PRKCE: variants seen among roughly 807,000 people sequenced by gnomAD.
The protein encoded by PRKCE is protein kinase C epsilon type.
A neutral mutation model predicts 85.4 loss-of-function variants in PRKCE; 16 were observed. The ratio of observed to expected loss-of-function variants is 0.19; its 90% CI spans 0.13 to 0.28. The LOEUF (loss-of-function observed/expected upper bound fraction) is 0.28, where lower values mean the gene tolerates loss of function less well. PRKCE is among the 10% of genes least tolerant of loss of function. The pLI is 1.00. For synonymous variants in PRKCE, 388 were observed against 371.5 expected (o/e 1.04, Z -0.51); for missense variants, 573 against 975.2 (o/e 0.59, Z 5.49).
intron 2 of PRKCE, among the ~76,000 whole-genome samples, chr2:45,893,748 C>T (rs996492787): frequency 2.6e-5 from 4 of 152,086 alleles, no homozygotes. Flanking sequence ...CTCATTGATC[C>T]CCCTGCAAAT....
At chr2:45,884,777 A>G (rs1454663166) in intron 2 of PRKCE, among the ~76,000 whole-genome samples, 1 of 151,656 alleles carries the variant, frequency 6.6e-6, no homozygotes, top group Non-Finnish European at 1.5e-5. Context: ...AAAAACTTCA[A>G]CCAGCACAGA....
At chr2:46,179,781 G>A (rs761796618) in intron 14 of PRKCE, among the ~76,000 whole-genome samples, 3 of 152,020 alleles carry the variant, frequency 2.0e-5, no homozygotes, top group Non-Finnish European at 2.9e-5. Context: ...AGACCCCATG[G>A]GCCTAGTGAT....
At chr2:45,976,331 C>G (rs1201526511) in intron 2 of PRKCE, 98 bp from the exon 3 acceptor site, 1 of 1,411,718 alleles carries the variant, frequency 7.1e-7, no homozygotes. Context: ...CACCCCAGCT[C>G]CACTCCCCCA....
chr2:46,048,944 G>A (rs575562469), intron 10 of PRKCE, among the ~76,000 whole-genome samples: 25 of 152,234 alleles, frequency 1.6e-4, no homozygotes, highest in African/African-American at 5.8e-4. Context: ...TAGTTGGCCT[G>A]GAGTGTAGAG....
At chr2:45,865,466 A>G (rs1693516231) in intron 2 of PRKCE, among the ~76,000 whole-genome samples, 1 of 152,204 alleles carries the variant, frequency 6.6e-6, no homozygotes, top group Admixed American at 6.5e-5. Flanking sequence ...TCTGTCCTCT[A>G]AATAAATGGA....
chr2:45,707,366 T>A (rs1045046175), intron 1 of PRKCE, among the ~76,000 whole-genome samples: 1 of 152,100 alleles, frequency 6.6e-6, no homozygotes, highest in Non-Finnish European at 1.5e-5. Context: ...GCAGGAAGGG[T>A]GAGTGGATAA....
At chr2:45,749,089 C>T (rs968701782) in intron 1 of PRKCE, among the ~76,000 whole-genome samples, 2 of 152,026 alleles carry the variant, frequency 1.3e-5, no homozygotes, top group Admixed American at 1.3e-4. Flanking sequence ...GGGGTTTCAC[C>T]ATATTGACCA....
chr2:45,935,973 G>T (rs1472861481), intron 2 of PRKCE, among the ~76,000 whole-genome samples: 1 of 152,174 alleles, frequency 6.6e-6, no homozygotes, highest in Non-Finnish European at 1.5e-5. Context: ...GCTGGGGTTT[G>T]GTCCCTGGTC....
chr2:45,980,321 G>A lies in PRKCE; in HGVS notation c.633G>A (p.Arg211=), dbSNP rs1702786193. The change falls in exon 5 of 15, where the codon CGG becomes CGA. Residue 211 remains arginine (R), a synonymous_variant. Coordinates refer to ENST00000306156, the MANE Select transcript of PRKCE (RefSeq NM_005400.3). ...CQVCTCVVHK[R]CHELIITKCA... is the part of the protein sequence containing the mutation. ...TCTGCACCTGCGTGGTCCACAAGCG[G>A]TGCCACGAGCTCATAATCACAAAGT... 1 of 1,599,684 alleles carries A rather than the reference G, an allele frequency of 6.3e-7. No individual in the cohort carries two copies. The highest frequency in any genetic ancestry group is 8.5e-7 in the Non-Finnish European group (1 of 1,179,932).
intron 2 of PRKCE, among the ~76,000 whole-genome samples, chr2:45,868,370 G>A (rs1004840801): frequency 6.8e-6 from 1 of 147,080 alleles, no homozygotes; most frequent in African/African-American, 2.5e-5. Context: ...TCCATCTTAG[G>A]TAAGGAAGGA....
At chr2:46,053,651 G>A (rs193253649) in intron 10 of PRKCE, among the ~76,000 whole-genome samples, 14 of 152,132 alleles carry the variant, frequency 9.2e-5, no homozygotes, top group African/African-American at 3.1e-4. Flanking sequence ...TGTCCTCGAG[G>A]TTCACCCATG....
chr2:46,051,901 G>C (rs932824436), intron 10 of PRKCE, among the ~76,000 whole-genome samples: 1 of 152,152 alleles, frequency 6.6e-6, no homozygotes, highest in African/African-American at 2.4e-5. Flanking sequence ...AAGTGCACGA[G>C]AGCAGGGAAA....
rs1708201294 is a variant in PRKCE at position 46,041,298 on chromosome 2, T to G, written c.1437+30781T>G. Reference sequence around the variant, plus strand: ...TATTAAAACAAAACAAAATCCCTTTTCATGTAATGATTGGCTCATTGGTTT... The same window carrying G: ...TATTAAAACAAAACAAAATCCCTTTGCATGTAATGATTGGCTCATTGGTTT... On this transcript the variant is annotated intron_variant, in intron 10 of 14. Coordinates refer to ENST00000306156, the MANE Select transcript of PRKCE (RefSeq NM_005400.3). The surrounding 1 kb of genome is among the most constrained non-coding windows in gnomAD (Gnocchi z 5.5). 1.3e-5 allele frequency among the ~76,000 whole-genome samples: 2 copies of G among 152,250 alleles called. No individual in the cohort carries two copies. Among genetic ancestry groups the G allele is most frequent in the Admixed American group, 6.5e-5 (1 of 15,284 alleles).
chr2:46,061,104 C>CTTTTTTTTTTTT (rs565280374), intron 10 of PRKCE, among the ~76,000 whole-genome samples: 4 of 103,494 alleles, frequency 3.9e-5, no homozygotes, highest in Non-Finnish European at 5.7e-5. Context: ...CTTTTTTTTC[C>CTTTTTTTTTTTT]TTTTTTTTTT....
In PRKCE at chr2:45,652,388, C is replaced by G. The variant is rs1471341702; in HGVS notation, c.288C>G (p.Ala96=). 6.2e-7 allele frequency: 1 copy of G among 1,612,720 alleles called. No individual in the cohort carries two copies. The highest frequency in any genetic ancestry group is 8.5e-7 in the Non-Finnish European group (1 of 1,179,994). The change falls in exon 1 of 15, where the codon GCC becomes GCG. Residue 96 remains alanine, a synonymous_variant. Transcript: ENST00000306156. The surrounding 1 kb of genome is among the most constrained non-coding windows in gnomAD (Gnocchi z 7.7). The part of the protein sequence containing the change: ...DAPIGYDDFV[A]NCTIQFEELL... The stretch of plus-strand genomic sequence containing the variant: ...CCATAGGCTACGACGACTTCGTGGC[C>G]AACTGCACCATCCAGTTTGAGGAGC...
chr2:45,948,604 A>C (rs938420914), intron 2 of PRKCE, among the ~76,000 whole-genome samples: 8 of 152,180 alleles, frequency 5.3e-5, no homozygotes, highest in African/African-American at 1.9e-4. Context: ...GCAGCACTGC[A>C]CTCTAGCCTG....
intron 14 of PRKCE, among the ~76,000 whole-genome samples, chr2:46,167,272 A>G (rs376302637): frequency 2.4e-4 from 37 of 152,308 alleles, no homozygotes; most frequent in East Asian, 9.6e-4. Flanking sequence ...TGATCATAGC[A>G]TGGGGGTTAT....
chr2:46,063,245 A>G (rs577924402), intron 10 of PRKCE, among the ~76,000 whole-genome samples: 1 of 152,068 alleles, frequency 6.6e-6, no homozygotes, highest in South Asian at 2.1e-4. Context: ...AAAATGCTTT[A>G]GGCTTAGATA....
At chr2:46,079,128 A>G (rs541835527) in intron 10 of PRKCE, among the ~76,000 whole-genome samples, 1 of 149,488 alleles carries the variant, frequency 6.7e-6, no homozygotes, top group East Asian at 2.0e-4. Context: ...GTGAGCTGAG[A>G]TCATGCCACT....
Sources: gnomAD v4.1 joint callset for allele counts (sites outside exome capture counted in the v4.1 genomes callset) on GRCh38, gnomAD v4.1.1 for gene constraint, Gnocchi (gnomAD v3.1) non-coding constraint, MANE v1.5 for transcripts, NCBI Gene and HGNC (gene_info 2026-07-23, HGNC 2026-07-21) for gene names.